The following PBX1 variants were observed in gnomAD, a reference collection of about 807,000 sequenced individuals.
The protein encoded by PBX1 is pre-B-cell leukemia transcription factor 1.
PBX1 carries 6 observed loss-of-function variants against 53.4 expected under a neutral mutation model. The observed-to-expected ratio is 0.11, with a 90% confidence interval of 0.06 to 0.22. The LOEUF is 0.22. Among genes scored for constraint, PBX1 ranks in the 10% least tolerant of loss-of-function variants. PBX1 has a pLI of 1.00. For synonymous variants in PBX1, 204 were observed against 212.3 expected (o/e 0.96, Z 0.34); for missense variants, 251 against 551.4 (o/e 0.46, Z 5.46).
intron 2 of PBX1, among the ~76,000 whole-genome samples, chr1:164,872,871 C>T (rs1481348421): frequency 1.3e-5 from 2 of 152,186 alleles, no homozygotes; most frequent in African/African-American, 2.4e-5. Context: ...CCTGGTGAGA[C>T]ATTTTTGGAT....
At position 164,640,747 on chromosome 1, in the gene PBX1, G is replaced by A. The variant is rs192574260; in HGVS notation, c.265+77436G>A. 2.0e-3 allele frequency among the ~76,000 whole-genome samples: 309 copies of A among 151,864 alleles called. 2 individuals are homozygous for A. Among genetic ancestry groups the A allele is most frequent in the African/African-American group, 7.2e-3 (300 of 41,440 alleles). The stretch of plus-strand genomic sequence containing the variant: ...GATTTTTTTGTATTTTAGTAGAGAC[G>A]GGGTTTCACCATGTTGCCCAGGCTG... On this transcript the variant is annotated intron_variant, in intron 2 of 8. Transcript: ENST00000420696.
chr1:164,599,338 C>T (rs538863837), intron 2 of PBX1, among the ~76,000 whole-genome samples: 1 of 152,126 alleles, frequency 6.6e-6, no homozygotes, highest in East Asian at 1.9e-4. Context: ...ACCTTCCAGT[C>T]GTCTTCTACT....
At chr1:164,834,638 C>G (rs756869126) in intron 8 of PBX1, among the ~76,000 whole-genome samples, 2 of 152,186 alleles carry the variant, frequency 1.3e-5, no homozygotes, top group Non-Finnish European at 2.9e-5. Context: ...AGCCACTATA[C>G]CCGGCCAGCC....
At chr1:164,853,557 A>C (rs142993053), downstream of PBX1, among the ~76,000 whole-genome samples, 9 of 152,374 alleles carry the variant, frequency 5.9e-5, no homozygotes, top group Admixed American at 2.6e-4. Flanking sequence ...CACTTAAAGT[A>C]GAGGAAACAG....
chr1:164,559,800 G>A lies in PBX1; in HGVS notation c.-23G>A. 1.3e-6 allele frequency: 2 copies of A among 1,524,678 alleles called. No individual in the cohort carries two copies. The highest frequency in any genetic ancestry group is 1.2e-5 in the South Asian group (1 of 82,076). 94.4% of individuals were successfully genotyped at this position (1,524,678 alleles called of 1,614,324 possible). A position where few individuals can be genotyped will look rare whatever the true frequency, so the allele number is the denominator to read the frequency against. On this transcript the variant is annotated 5_prime_UTR_variant, in exon 1 of 9. Coordinates refer to ENST00000420696, the MANE Select transcript of PBX1 (RefSeq NM_002585.4). ...GCCGAGGAGCAGAAGAGGAAGAGCC[G>A]GGGGCTGCCGTAGCCTTTGGAGATG...
intron 2 of PBX1, among the ~76,000 whole-genome samples, chr1:164,695,471 G>A (rs1295161818): frequency 6.6e-6 from 1 of 152,086 alleles, no homozygotes; most frequent in Non-Finnish European, 1.5e-5. Flanking sequence ...GCGATTTCTT[G>A]TACCTGTTAT....
chr1:164,685,387 G>A (rs1662038332), intron 2 of PBX1, among the ~76,000 whole-genome samples: 1 of 152,174 alleles, frequency 6.6e-6, no homozygotes, highest in African/African-American at 2.4e-5. Flanking sequence ...CATAGCAGCA[G>A]CTTATCAAAA....
At chr1:164,789,294 A>T (rs1316238808) in intron 2 of PBX1, among the ~76,000 whole-genome samples, 2 of 152,222 alleles carry the variant, frequency 1.3e-5, no homozygotes, top group Non-Finnish European at 1.5e-5. Flanking sequence ...TGACTATTTT[A>T]AAAAGATGGT....
At position 164,867,533 on chromosome 1, in the gene PBX1, A is replaced by T. The variant is rs188509638; in HGVS notation, n.258-31655A>T. Among the ~76,000 whole-genome samples the T allele has an allele frequency of 2.0e-3, 310 of 152,350 alleles. 6 individuals are homozygous for T. In the South Asian group the frequency reaches 0.036, roughly 18 times the overall value. On this transcript the variant is annotated intron_variant and non_coding_transcript_variant, in intron 2 of 2. Coordinates refer to the PBX1 transcript ENST00000558796. ...ATGGCCCCAGAGCCAGAGTGGGCCT[A>T]TCCAGTCTGTAAAGTTGAGCATTCC...
intron 2 of PBX1, among the ~76,000 whole-genome samples, chr1:164,622,336 C>G (rs577106472): frequency 7.4e-4 from 113 of 152,256 alleles, no homozygotes; most frequent in Non-Finnish European, 1.5e-3. Flanking sequence ...TGTGAAATGT[C>G]AAGTCCACAG....
chr1:164,730,380 C>T (rs959918438), intron 2 of PBX1, among the ~76,000 whole-genome samples: 1 of 152,250 alleles, frequency 6.6e-6, no homozygotes, highest in East Asian at 1.9e-4. Flanking sequence ...CCAGCACACA[C>T]CTCAGTAGTA....
At chr1:164,764,489 A>G (rs1666960230) in intron 2 of PBX1, among the ~76,000 whole-genome samples, 1 of 152,178 alleles carries the variant, frequency 6.6e-6, no homozygotes, top group Admixed American at 6.5e-5. Flanking sequence ...TAATGTGGGG[A>G]TGACCACATT....
In PBX1 at chr1:164,700,467, A is replaced by G. The variant is rs1299281672; in HGVS notation, c.266-92027A>G. The G allele has an allele frequency of 5.1e-6, 5 of 985,178 alleles. No individual in the cohort carries two copies. In the Admixed American group the frequency reaches 1.8e-4, roughly 36 times the overall value. The allele number at this position is 985,178 out of a possible 1,614,324, so 61.0% of individuals were successfully genotyped here. On this transcript the variant is annotated intron_variant, in intron 2 of 8. Coordinates refer to ENST00000420696, the MANE Select transcript of PBX1 (RefSeq NM_002585.4). The stretch of plus-strand genomic sequence containing the variant: ...TAGGGGAGGAGATTCATGTTACTTG[A>G]TTCTCTTAGTGGCACCCGAAGGTTT...
chr1:164,846,420 G>A (rs1671571397), intron 8 of PBX1, among the ~76,000 whole-genome samples, 164 bp from the exon 9 acceptor site: 1 of 152,144 alleles, frequency 6.6e-6, no homozygotes, highest in Admixed American at 6.5e-5. Flanking sequence ...ATTTGAGGGT[G>A]GGGGCAATAT....
chr1:164,774,806 T>C (rs150833288), intron 2 of PBX1, among the ~76,000 whole-genome samples: 4 of 152,310 alleles, frequency 2.6e-5, no homozygotes, highest in Non-Finnish European at 4.4e-5. Context: ...AAGCATTTTC[T>C]GTTCGTCCCC....
chr1:164,634,877 A>G (rs980334100), intron 2 of PBX1, among the ~76,000 whole-genome samples: 3 of 151,980 alleles, frequency 2.0e-5, no homozygotes, highest in Admixed American at 2.0e-4. Flanking sequence ...TTCACCAACT[A>G]TGTGCACGTG....
At chr1:164,635,473 TGCA>T (rs1436024503) in intron 2 of PBX1, among the ~76,000 whole-genome samples, 1 of 152,242 alleles carries the variant, frequency 6.6e-6, no homozygotes, top group Middle Eastern at 3.2e-3. Flanking sequence ...TCTCTTTCAG[TGCA>T]GCTTAGCCCA....
In PBX1 at chr1:164,848,250, C is replaced by T. The variant is rs1397290507; in HGVS notation, c.*1574C>T. ...TATGAAAGCTATTCTCAAAAGTCAC[C>T]TGAGCTCACCATCTTCATAGCCAAC... On this transcript the variant is annotated 3_prime_UTR_variant, in exon 9 of 9. Transcript: ENST00000420696. 1 of 1,054,462 alleles carries T rather than the reference C, an allele frequency of 9.5e-7. No homozygotes were observed. The highest frequency in any genetic ancestry group is 1.1e-6 in the Non-Finnish European group (1 of 872,678). 65.3% of individuals were successfully genotyped at this position (1,054,462 alleles called of 1,614,324 possible).
At chr1:164,663,252 G>GCCTT (rs1325312831) in intron 2 of PBX1, among the ~76,000 whole-genome samples, 9,135 of 86,630 alleles carry the variant, frequency 0.11, 306 homozygotes, top group African/African-American at 0.16. Flanking sequence ...CTGCCTTCCT[G>GCCTT]CCTGCCTGCC....
Sources: allele counts gnomAD v4.1 joint callset (sites outside exome capture counted in the v4.1 genomes callset), GRCh38; gene constraint gnomAD v4.1.1; transcripts MANE v1.5; gene names NCBI Gene and HGNC (gene_info 2026-07-23, HGNC 2026-07-21).